The following ALKBH8 variants were observed in gnomAD, a reference collection of about 807,000 sequenced individuals.
ALKBH8 encodes the protein alkB homolog 8, tRNA methyltransferase, also known as tRNA (carboxymethyluridine(34)-5-O)-methyltransferase ALKBH8.
Under a neutral mutation model 59.8 loss-of-function variants are expected in ALKBH8, and 36 were observed. The observed-to-expected ratio is 0.60, with a 90% CI of 0.46 to 0.79. The LOEUF (loss-of-function observed/expected upper bound fraction) is 0.79, where lower values mean the gene tolerates loss of function less well. Among genes scored for constraint, ALKBH8 ranks in the 30% least tolerant of loss-of-function variants. The probability of loss-of-function intolerance (pLI) is 0.00; values close to 1 mark genes in which losing one functional copy is unlikely to be tolerated. For missense variants in ALKBH8, 768 were observed against 801.0 expected, an observed-to-expected ratio of 0.96 and a Z score of 0.50; for synonymous variants, 276 against 273.6, an observed-to-expected ratio of 1.01 and a Z score of -0.09.
Position 107,525,432 on chromosome 11 carries a change from T to A in ALKBH8, c.1030+9A>T, listed in dbSNP as rs12574614. On this transcript the variant is annotated intron_variant, in intron 9 of 11. Transcript: ENST00000428149. Reference sequence around the variant, plus strand: ...CCATTTTACAGACGAGATAAGAGTATATACTTACTACAGTTACAAGGTGTT... The same window carrying A: ...CCATTTTACAGACGAGATAAGAGTAAATACTTACTACAGTTACAAGGTGTT... 6.5e-7 allele frequency: 1 copy of A among 1,541,562 alleles called. No homozygotes were observed. Among genetic ancestry groups the A allele is most frequent in the South Asian group, 1.2e-5 (1 of 83,094 alleles).
rs545221757 is a variant in ALKBH8, at chr11:107,547,166, G to A, written c.771+2587C>T. Among the ~76,000 whole-genome samples the A allele has an allele frequency of 3.3e-5, 5 of 152,308 alleles. 1 individual carries two copies. Among genetic ancestry groups the A allele is most frequent in the African/African-American group, 1.2e-4 (5 of 41,562 alleles). On this transcript the variant is annotated intron_variant, in intron 7 of 11. Transcript: ENST00000428149. ...TTACAATGAAATGGAAGCTGCCATAGGCATTACAGGAAAGTTCTTAAAACG... is the reference window on the plus strand; with the variant it reads ...TTACAATGAAATGGAAGCTGCCATAAGCATTACAGGAAAGTTCTTAAAACG...
intron 11 of ALKBH8, among the ~76,000 whole-genome samples, chr11:107,508,706 T>G (rs976889443): frequency 3.3e-5 from 5 of 152,210 alleles, no homozygotes; most frequent in African/African-American, 1.2e-4. Context: ...ACTGTTCCAC[T>G]TTCTGTCTCT....
At chr11:107,528,387 G>A (rs1362460492) in intron 8 of ALKBH8, among the ~76,000 whole-genome samples, 1 of 152,060 alleles carries the variant, frequency 6.6e-6, no homozygotes, top group Non-Finnish European at 1.5e-5. Flanking sequence ...TAGGGTACAT[G>A]TGCACAACGT....
intron 4 of ALKBH8, among the ~76,000 whole-genome samples, chr11:107,553,422 T>C (rs80277989): frequency 0.023 from 3,481 of 152,204 alleles, 150 homozygotes; most frequent in African/African-American, 0.08. Context: ...CCAATCAATC[T>C]GAAAACTAAC....
chr11:107,536,686 G>T (rs143766316), intron 7 of ALKBH8, among the ~76,000 whole-genome samples: 1 of 152,096 alleles, frequency 6.6e-6, no homozygotes, highest in Non-Finnish European at 1.5e-5. Flanking sequence ...TAAACTCAGC[G>T]GTAAGGGGAA....
intron 8 of ALKBH8, among the ~76,000 whole-genome samples, chr11:107,530,105 T>A (rs1387025584): frequency 6.6e-6 from 1 of 152,160 alleles, no homozygotes; most frequent in Non-Finnish European, 1.5e-5. Context: ...ACTCCTAATT[T>A]TTATATGTAG....
chr11:107,504,694 A>T lies in ALKBH8; in HGVS notation c.1959T>A (p.Asp653Glu), dbSNP rs757270725. 1.3e-6 allele frequency: 2 copies of T among 1,549,990 alleles called. No homozygotes were observed. Among genetic ancestry groups the T allele is most frequent in the Non-Finnish European group, 1.7e-6 (2 of 1,146,156 alleles). ...GAAGAATCACACACCAGTTTCCTTG[A>T]TCGTAGTAGCTTTGCAGAATTCTGA... ...SDVRILQSYYDQGNWCVILQK... is the reference protein window; with the variant it reads ...SDVRILQSYYEQGNWCVILQK... Residue 653 changes from aspartate to glutamate, a missense_variant, in exon 12 of 12, where the codon GAT (aspartate) becomes GAA (glutamate). By Grantham distance (45) the Asp-to-Glu change is conservative. Transcript: ENST00000428149.
chr11:107,510,160 T>G (rs1223514000), intron 11 of ALKBH8, among the ~76,000 whole-genome samples: 2 of 152,148 alleles, frequency 1.3e-5, no homozygotes, highest in Non-Finnish European at 2.9e-5. Flanking sequence ...CTGATTTGTT[T>G]TGATTTGTTT....
At position 107,517,815 on chromosome 11, in the gene ALKBH8, A is replaced by T. The variant is rs1445779005; in HGVS notation, c.1287+4484T>A. On this transcript the variant is annotated intron_variant, in intron 10 of 11. Coordinates refer to ENST00000428149, the MANE Select transcript of ALKBH8 (RefSeq NM_138775.3). Reference sequence around the variant, plus strand: ...CAAAAGATACAAAATTTTAGATAGGAGGAATAAATTCCACAGATCTACTGT... The same window carrying T: ...CAAAAGATACAAAATTTTAGATAGGTGGAATAAATTCCACAGATCTACTGT... Among the ~76,000 whole-genome samples, 4 of 152,332 alleles carry T rather than the reference A, an allele frequency of 2.6e-5. No individual in the cohort carries two copies. The South Asian group carries it at 8.3e-4, about 32-fold the overall frequency.
At chr11:107,522,599 A>C in intron 9 of ALKBH8, 44 bp from the exon 10 acceptor site, 1 of 1,499,666 alleles carries the variant, frequency 6.7e-7, no homozygotes, top group Non-Finnish European at 8.9e-7. Flanking sequence ...TATCAGAATA[A>C]CTCATAAGGT....
intron 11 of ALKBH8, among the ~76,000 whole-genome samples, chr11:107,509,660 A>G (rs1240159141): frequency 3.3e-5 from 5 of 152,062 alleles, no homozygotes; most frequent in African/African-American, 7.2e-5. Context: ...ATCCATTTTG[A>G]GGTTTTTCTT....
At chr11:107,534,358 G>C (rs138134502) in intron 7 of ALKBH8, among the ~76,000 whole-genome samples, 7 of 152,248 alleles carry the variant, frequency 4.6e-5, no homozygotes, top group East Asian at 3.9e-4. Context: ...GTCATGATGG[G>C]AAAATATTCT....
At chr11:107,507,440 C>G (rs187334951) in intron 11 of ALKBH8, among the ~76,000 whole-genome samples, 131 of 152,036 alleles carry the variant, frequency 8.6e-4, no homozygotes, top group Non-Finnish European at 1.6e-3. Flanking sequence ...GTTTAAGGAG[C>G]TGGGAAATAT....
chr11:107,514,690 A>G (rs535268128), intron 10 of ALKBH8, among the ~76,000 whole-genome samples: 2 of 152,286 alleles, frequency 1.3e-5, no homozygotes, highest in East Asian at 3.9e-4. Context: ...TCTGAACATT[A>G]TATTTTGGTG....
At chr11:107,536,424 C>T (rs535064784) in intron 7 of ALKBH8, among the ~76,000 whole-genome samples, 1 of 152,256 alleles carries the variant, frequency 6.6e-6, no homozygotes, top group Admixed American at 6.5e-5. Context: ...TACGGAATGA[C>T]AGGACAACCT....
At chr11:107,527,854 A>T (rs901867688) in intron 8 of ALKBH8, among the ~76,000 whole-genome samples, 1 of 152,020 alleles carries the variant, frequency 6.6e-6, no homozygotes, top group African/African-American at 2.4e-5. Flanking sequence ...ATATAGCATT[A>T]AATAGAAGGA....
chr11:107,524,850 T>C (rs1303210849), intron 9 of ALKBH8, among the ~76,000 whole-genome samples: 1 of 152,200 alleles, frequency 6.6e-6, no homozygotes, highest in Non-Finnish European at 1.5e-5. Flanking sequence ...TACAAAATAT[T>C]ATTTACAAAA....
intron 7 of ALKBH8, among the ~76,000 whole-genome samples, chr11:107,534,288 A>G (rs1863720154): frequency 6.6e-6 from 1 of 152,210 alleles, no homozygotes; most frequent in Non-Finnish European, 1.5e-5. Context: ...CATATTTATT[A>G]TTAGAGACAA....
chr11:107,543,701 G>T (rs770890271), intron 7 of ALKBH8, among the ~76,000 whole-genome samples: 1 of 152,068 alleles, frequency 6.6e-6, no homozygotes, highest in Non-Finnish European at 1.5e-5. Context: ...AAAATTAAGC[G>T]AGAAAAGATA....
Sources: gnomAD v4.1 joint callset for allele counts (sites outside exome capture counted in the v4.1 genomes callset) on GRCh38, gnomAD v4.1.1 for gene constraint, MANE v1.5 for transcripts, NCBI Gene and HGNC (gene_info 2026-07-23, HGNC 2026-07-21) for gene names.